Variants in SCFD1 observed in about 807,000 individuals in gnomAD.
The protein encoded by SCFD1 is sec1 family domain containing 1.
A neutral mutation model predicts 103.2 loss-of-function variants in SCFD1; 37 were observed. The ratio of observed to expected loss-of-function variants is 0.36; its 90% CI spans 0.28 to 0.47. The LOEUF is 0.47. SCFD1 is among the 20% of genes least tolerant of loss of function. The probability of loss-of-function intolerance (pLI) is 1.00; values close to 1 mark genes in which losing one functional copy is unlikely to be tolerated. For synonymous variants in SCFD1, 264 were observed against 245.0 expected (o/e 1.08, Z -0.73); for missense variants, 639 against 761.2 (o/e 0.84, Z 1.89).
At chr14:30,650,714 T>G in intron 9 of SCFD1, 64 bp downstream of exon 9, 1 of 967,356 alleles carries the variant, frequency 1.0e-6, no homozygotes. Flanking sequence ...TTTGTTACTT[T>G]TCTTGGCTGA....
chr14:30,724,124 T>C (rs1295080026), intron 23 of SCFD1, among the ~76,000 whole-genome samples: 3 of 149,914 alleles, frequency 2.0e-5, no homozygotes, highest in African/African-American at 7.4e-5. Flanking sequence ...TGGTATCTCA[T>C]TGTGGTTTCG....
At chr14:30,706,094 G>A (rs763394428) in intron 18 of SCFD1, among the ~76,000 whole-genome samples, 2 of 151,618 alleles carry the variant, frequency 1.3e-5, no homozygotes, top group Non-Finnish European at 2.9e-5. Context: ...ATATTTATGG[G>A]GTACAGTGTG....
chr14:30,688,827 T>C (rs1481959404), intron 14 of SCFD1, among the ~76,000 whole-genome samples: 2 of 87,052 alleles, frequency 2.3e-5, no homozygotes, highest in Middle Eastern at 9.4e-3. Context: ...AAAGTTAATA[T>C]TGTTATGTGT....
chr14:30,666,802 A>G (rs1888019327), intron 10 of SCFD1, among the ~76,000 whole-genome samples: 1 of 152,250 alleles, frequency 6.6e-6, no homozygotes, highest in East Asian at 1.9e-4. Context: ...GAAAATCTAG[A>G]AGAAATGGAT....
intron 23 of SCFD1, among the ~76,000 whole-genome samples, chr14:30,728,070 A>G (rs1439298794): frequency 6.6e-6 from 1 of 152,184 alleles, no homozygotes; most frequent in African/African-American, 2.4e-5. Flanking sequence ...GATCAGTCAG[A>G]GAAAAAGAAA....
chr14:30,666,384 G>C (rs1208462053), intron 10 of SCFD1, among the ~76,000 whole-genome samples: 2 of 152,138 alleles, frequency 1.3e-5, no homozygotes, highest in South Asian at 2.1e-4. Context: ...CAGAATCTCT[G>C]GGACACATTT....
intron 18 of SCFD1, among the ~76,000 whole-genome samples, chr14:30,707,129 C>T (rs1019031990): frequency 6.6e-6 from 1 of 152,178 alleles, no homozygotes; most frequent in East Asian, 1.9e-4. Context: ...TTTTCAGTTT[C>T]ATCCCTTAAA....
intron 8 of SCFD1, 118 bp downstream of exon 8, chr14:30,649,701 T>A: frequency 1.4e-6 from 1 of 690,958 alleles, no homozygotes; most frequent in Non-Finnish European, 2.4e-6. Flanking sequence ...TAGGTACCAA[T>A]AGCAAATATT....
chr14:30,717,163 A>G (rs1429057761), intron 20 of SCFD1, among the ~76,000 whole-genome samples: 1 of 152,214 alleles, frequency 6.6e-6, no homozygotes, highest in African/African-American at 2.4e-5. Context: ...ACAGGTGCCA[A>G]ATACACAGGG....
intron 9 of SCFD1, among the ~76,000 whole-genome samples, chr14:30,651,091 G>C (rs374526931): frequency 1.3e-4 from 20 of 152,008 alleles, no homozygotes; most frequent in African/African-American, 4.8e-4. Context: ...TAAGGCCAAT[G>C]TTTTTGGCTG....
chr14:30,637,148 T>C (rs1020522834), intron 4 of SCFD1, among the ~76,000 whole-genome samples: 2 of 152,092 alleles, frequency 1.3e-5, no homozygotes, highest in Non-Finnish European at 2.9e-5. Context: ...TAGGAAATTA[T>C]GTATTTATAC....
intron 15 of SCFD1, among the ~76,000 whole-genome samples, chr14:30,695,949 T>G (rs1566638739): frequency 6.6e-6 from 1 of 152,190 alleles, no homozygotes; most frequent in East Asian, 1.9e-4. Context: ...TAGTTTTTAA[T>G]TATAAAGATT....
At chr14:30,719,265 C>A in intron 20 of SCFD1, 60 bp from the exon 21 acceptor site, 1 of 1,079,216 alleles carries the variant, frequency 9.3e-7, no homozygotes, top group Non-Finnish European at 1.4e-6. Context: ...TACTCTAAGC[C>A]AAACTGACCT....
intron 15 of SCFD1, among the ~76,000 whole-genome samples, chr14:30,696,004 T>C (rs1890675734): frequency 6.6e-6 from 1 of 152,224 alleles, no homozygotes; most frequent in Non-Finnish European, 1.5e-5. Context: ...CCCTAAACTT[T>C]AGAGACCTGT....
At chr14:30,644,750 A>G (rs1373588701) in intron 7 of SCFD1, among the ~76,000 whole-genome samples, 1 of 151,780 alleles carries the variant, frequency 6.6e-6, no homozygotes, top group Non-Finnish European at 1.5e-5. Flanking sequence ...TGTTGGATGC[A>G]TAGTTTGCGA....
At chr14:30,632,090 T>C (rs1383931190) in intron 3 of SCFD1, among the ~76,000 whole-genome samples, 1 of 149,744 alleles carries the variant, frequency 6.7e-6, no homozygotes, top group Non-Finnish European at 1.5e-5. Context: ...GGAGAAGGAC[T>C]GTGTTCATGG....
intron 6 of SCFD1, among the ~76,000 whole-genome samples, chr14:30,643,047 C>T (rs752617741): frequency 4.6e-5 from 7 of 151,982 alleles, no homozygotes; most frequent in Admixed American, 1.3e-4. Flanking sequence ...GTGGCATGTG[C>T]CTGTGGTCCC....
intron 7 of SCFD1, 68 bp downstream of exon 7, chr14:30,643,473 C>T: frequency 9.3e-7 from 1 of 1,076,350 alleles, no homozygotes; most frequent in South Asian, 1.3e-5. Context: ...TAATGTATTA[C>T]ACTGTAATGT....
chr14:30,643,883 T>TGG (rs1885539840), intron 7 of SCFD1: 1 of 451,030 alleles, frequency 2.2e-6, no homozygotes, highest in Non-Finnish European at 4.4e-6. Flanking sequence ...ATTTTAGGTT[T>TGG]GGGGGATACA....
Sources: gnomAD v4.1 joint callset for allele counts (sites outside exome capture counted in the v4.1 genomes callset) on GRCh38, gnomAD v4.1.1 for gene constraint, MANE v1.5 for transcripts, NCBI Gene and HGNC (gene_info 2026-07-23, HGNC 2026-07-21) for gene names.